The following SEMA5A variants were observed in gnomAD, a reference collection of about 807,000 sequenced individuals.
The protein encoded by SEMA5A is semaphorin-5A.
A neutral mutation model predicts 135.5 loss-of-function variants in SEMA5A; 55 were observed. The ratio of observed to expected loss-of-function variants is 0.41; its 90% confidence interval spans 0.33 to 0.51. SEMA5A has a LOEUF of 0.51. Among genes scored for constraint, SEMA5A ranks in the 20% least tolerant of loss-of-function variants. SEMA5A has a pLI of 0.37. For missense variants in SEMA5A, 1,290 were observed against 1,419.9 expected (o/e 0.91, Z 1.47); for synonymous variants, 580 against 546.5 (o/e 1.06, Z -0.85).
intron 8 of SEMA5A, among the ~76,000 whole-genome samples, chr5:9,214,199 G>A (rs1746491623): frequency 6.6e-6 from 1 of 152,190 alleles, no homozygotes; most frequent in South Asian, 2.1e-4. Context: ...CACCAAGCAT[G>A]CATGCGGGAA....
At chr5:9,523,875 G>A (rs398533) in intron 1 of SEMA5A, among the ~76,000 whole-genome samples, 51,438 of 151,900 alleles carry the variant, frequency 0.34, 8,876 homozygotes, top group East Asian at 0.4. Flanking sequence ...AAAAGTTCAC[G>A]TCCACTTAGA....
At position 9,265,428 on chromosome 5, in the gene SEMA5A, T is replaced by A. The variant is rs1187159133; in HGVS notation, c.271-27538A>T. ...CATCCTTCTATGGAAACCACAGGCATCCTACCTTCCTTCCACTGTAAGGCC... is the reference window on the plus strand; with the variant it reads ...CATCCTTCTATGGAAACCACAGGCAACCTACCTTCCTTCCACTGTAAGGCC... On this transcript the variant is annotated intron_variant, in intron 5 of 22. Coordinates refer to ENST00000382496, the MANE Select transcript of SEMA5A (RefSeq NM_003966.3). 1.3e-5 allele frequency: 6 copies of A among 456,140 alleles called. No homozygotes were observed. The East Asian group carries it at 4.2e-4, about 32-fold the overall frequency. 28.3% of individuals were successfully genotyped at this position (456,140 alleles called of 1,614,324 possible). A position where few individuals can be genotyped will look rare whatever the true frequency, so the allele number is the denominator to read the frequency against.
At chr5:9,408,114 CCACCACCATTTT>C (rs1398682082) in intron 2 of SEMA5A, among the ~76,000 whole-genome samples, 2 of 151,940 alleles carry the variant, frequency 1.3e-5, no homozygotes, top group Non-Finnish European at 2.9e-5. Flanking sequence ...ACTACCATCA[CCACCACCATTTT>C]CACCACCATC....
At chr5:9,363,240 A>G (rs1297814579) in intron 3 of SEMA5A, 1 of 152,236 alleles carries the variant, frequency 6.6e-6, no homozygotes, top group Non-Finnish European at 1.5e-5. Flanking sequence ...AAATCACTGC[A>G]AAGCGCTGAT....
At chr5:9,342,531 A>C (rs186116869) in intron 3 of SEMA5A, among the ~76,000 whole-genome samples, 1 of 152,218 alleles carries the variant, frequency 6.6e-6, no homozygotes, top group African/African-American at 2.4e-5. Flanking sequence ...AGGTGGGGCC[A>C]GGGGACGGTG....
chr5:9,454,669 G>T (rs1022606565), intron 1 of SEMA5A, among the ~76,000 whole-genome samples: 4 of 152,112 alleles, frequency 2.6e-5, no homozygotes, highest in African/African-American at 7.2e-5. Context: ...AGCATAAAAA[G>T]GTCCAAAGCC....
chr5:9,504,086 A>G (rs940961273), intron 1 of SEMA5A, among the ~76,000 whole-genome samples: 1 of 151,938 alleles, frequency 6.6e-6, no homozygotes, highest in African/African-American at 2.4e-5. Context: ...ATGGTGGCTC[A>G]TGCCTGTAAT....
chr5:9,365,424 A>G (rs1294918723), intron 3 of SEMA5A, among the ~76,000 whole-genome samples: 3 of 152,128 alleles, frequency 2.0e-5, no homozygotes, highest in Non-Finnish European at 4.4e-5. Context: ...TCGGCAGGAG[A>G]CTGTACTGAT....
chr5:9,422,584 G>A (rs1430104524), intron 2 of SEMA5A: 1 of 152,132 alleles, frequency 6.6e-6, no homozygotes, highest in East Asian at 1.9e-4. Flanking sequence ...AGTCGACCGA[G>A]AACTAGTTTC....
At chr5:9,462,774 G>A (rs1759104606) in intron 1 of SEMA5A, among the ~76,000 whole-genome samples, 1 of 152,040 alleles carries the variant, frequency 6.6e-6, no homozygotes, top group African/African-American at 2.4e-5. Flanking sequence ...GAGCTAAATA[G>A]TGAGAACACA....
intron 11 of SEMA5A, among the ~76,000 whole-genome samples, chr5:9,158,181 C>T (rs149610125): frequency 1.3e-5 from 2 of 152,276 alleles, no homozygotes; most frequent in South Asian, 2.1e-4. Flanking sequence ...CCCACATTTG[C>T]TAAAGAGCGC....
chr5:9,510,623 C>T (rs1287448403), intron 1 of SEMA5A, among the ~76,000 whole-genome samples: 1 of 152,120 alleles, frequency 6.6e-6, no homozygotes, highest in Admixed American at 6.5e-5. Context: ...TATTTGTCAA[C>T]CTTATTCCAT....
intron 13 of SEMA5A, among the ~76,000 whole-genome samples, chr5:9,124,354 G>A (rs1740991070): frequency 6.6e-6 from 1 of 152,180 alleles, no homozygotes; most frequent in Non-Finnish European, 1.5e-5. Flanking sequence ...GCTGGAAGGA[G>A]AGACTCATGG....
intron 1 of SEMA5A, among the ~76,000 whole-genome samples, chr5:9,501,320 A>G (rs1411209287): frequency 6.6e-6 from 1 of 152,222 alleles, no homozygotes; most frequent in Non-Finnish European, 1.5e-5. Context: ...AGATAAGAGA[A>G]ACTAAATTGC....
chr5:9,453,257 C>T (rs1758712545), intron 1 of SEMA5A, among the ~76,000 whole-genome samples: 1 of 152,170 alleles, frequency 6.6e-6, no homozygotes, highest in Admixed American at 6.5e-5. Flanking sequence ...ACTTCCCAGC[C>T]ATTCATGGAC....
Position 9,379,803 on chromosome 5 carries a change from A to G in SEMA5A, c.124+20T>C. ...GCATTTAGATGACGGCTTTGCAATC[A>G]GTGCGTGCTGGTTCCTTACCTTTAT... is the stretch of plus-strand genomic sequence containing the variant. On this transcript the variant is annotated intron_variant, in intron 3 of 22. Coordinates refer to ENST00000382496, the MANE Select transcript of SEMA5A (RefSeq NM_003966.3). 2 of 1,604,250 alleles carry G rather than the reference A, an allele frequency of 1.2e-6. No individual in the cohort carries two copies. The highest frequency in any genetic ancestry group is 1.7e-6 in the Non-Finnish European group (2 of 1,175,338).
chr5:9,439,127 T>C (rs1758140375), intron 1 of SEMA5A, among the ~76,000 whole-genome samples: 1 of 152,030 alleles, frequency 6.6e-6, no homozygotes, highest in Non-Finnish European at 1.5e-5. Flanking sequence ...AATCCTCCAG[T>C]CCCAGCAGAG....
At chr5:9,523,318 C>T (rs1736943348) in intron 1 of SEMA5A, 1 of 152,128 alleles carries the variant, frequency 6.6e-6, no homozygotes, top group African/African-American at 2.4e-5. Flanking sequence ...CTCCTGGTCT[C>T]TCTTTGAAGG....
At chr5:9,083,419 T>C (rs1414974683) in intron 16 of SEMA5A, among the ~76,000 whole-genome samples, 1 of 152,240 alleles carries the variant, frequency 6.6e-6, no homozygotes, top group African/African-American at 2.4e-5. Flanking sequence ...TTCTTATTAC[T>C]GCATGAATAT....
Sources: gnomAD v4.1 joint callset for allele counts (sites outside exome capture counted in the v4.1 genomes callset) on GRCh38, gnomAD v4.1.1 for gene constraint, MANE v1.5 for transcripts, NCBI Gene and HGNC (gene_info 2026-07-23, HGNC 2026-07-21) for gene names.